The following DOK1 variants were observed in gnomAD, a reference collection of about 807,000 sequenced individuals.
The protein encoded by DOK1 is docking protein 1.
A neutral mutation model predicts 24.0 loss-of-function variants in DOK1; 12 were observed. That is an observed-to-expected ratio of 0.50 (90% CI 0.32 to 0.81). The LOEUF (loss-of-function observed/expected upper bound fraction) is 0.81. Among genes scored for constraint, DOK1 ranks in the 30% least tolerant of loss-of-function variants. The pLI is 0.03. For synonymous variants in DOK1, 250 were observed against 260.9 expected (o/e 0.96, Z 0.40); for missense variants, 591 against 620.7 (o/e 0.95, Z 0.51).
chr2:74,555,528 G>C lies in DOK1; in HGVS notation c.361-47G>C, dbSNP rs1483543112. ...ATGGGGCTGCCTCAGACCGACCCCCGCTCCCCGCTGAGGAAATTACGGGTT... is the reference window on the plus strand; with the variant it reads ...ATGGGGCTGCCTCAGACCGACCCCCCCTCCCCGCTGAGGAAATTACGGGTT... On this transcript the variant is annotated intron_variant, in intron 2 of 4. Coordinates refer to ENST00000233668, the MANE Select transcript of DOK1 (RefSeq NM_001381.5). The surrounding 1 kb of genome is among the most constrained non-coding windows in gnomAD (Gnocchi z 6.1). 1 of 1,613,118 alleles carries C rather than the reference G, an allele frequency of 6.2e-7. No individual in the cohort carries two copies. Among genetic ancestry groups the C allele is most frequent in the African/African-American group, 1.3e-5 (1 of 74,874 alleles).
At position 74,549,230 on chromosome 2, in the gene DOK1, C is replaced by T; in HGVS notation, c.-358+58C>T. The T allele has an allele frequency of 1.0e-6, 1 of 958,430 alleles. No homozygotes were observed. The highest frequency in any genetic ancestry group is 1.5e-6 in the Non-Finnish European group (1 of 675,526). The allele number at this position is 958,430 out of a possible 1,614,324, so 59.4% of individuals were successfully genotyped here. A position where few individuals can be genotyped will look rare whatever the true frequency, so the allele number is the denominator to read the frequency against. On this transcript the variant is annotated intron_variant, in intron 1 of 4. Coordinates refer to the DOK1 transcript ENST00000409429. The surrounding 1 kb of genome is among the most constrained non-coding windows in gnomAD (Gnocchi z 5.3). ...AAGATTTCCCAACTCTCCAGCTTTG[C>T]AACGGCCTCCATATTTTCCCGCGCG... is the stretch of plus-strand genomic sequence containing the variant.
rs1396622012 is a variant in DOK1 at position 74,555,523 on chromosome 2, C to T, written c.361-52C>T. On this transcript the variant is annotated intron_variant, in intron 2 of 4. Transcript: ENST00000233668. This position sits in a 1 kb window ranked among gnomAD's most constrained non-coding sequence, Gnocchi z 6.1. Reference sequence around the variant, plus strand: ...GAGAAATGGGGCTGCCTCAGACCGACCCCCGCTCCCCGCTGAGGAAATTAC... The same window carrying T: ...GAGAAATGGGGCTGCCTCAGACCGATCCCCGCTCCCCGCTGAGGAAATTAC... 1 of 1,613,074 alleles carries T rather than the reference C, an allele frequency of 6.2e-7. No homozygotes were observed. The highest frequency in any genetic ancestry group is 8.5e-7 in the Non-Finnish European group (1 of 1,179,712).
Position 74,557,059 on chromosome 2 carries a change from G to A in DOK1, c.1391G>A (p.Gly464Glu), listed in dbSNP as rs748615354. The A allele has an allele frequency of 6.2e-7, 1 of 1,613,672 alleles. No individual in the cohort carries two copies. The highest frequency in any genetic ancestry group is 2.2e-5 in the East Asian group (1 of 44,818). The change falls in exon 5 of 5, where the codon GGG becomes GAG. Residue 464 changes from glycine to glutamate, a missense_variant. Transcript: ENST00000233668. ...GGGGCCTCAGGGAGCTGGGACTGTG[G>A]GCTCTCTAGAGTAGGGACTGACAAG... ...KSGASGSWDC[G>E]LSRVGTDKTG... is the part of the protein sequence containing the mutation.
upstream of DOK1, among the ~76,000 whole-genome samples, chr2:74,550,891 G>A (rs1307299043): frequency 1.3e-5 from 2 of 151,140 alleles, no homozygotes; most frequent in Non-Finnish European, 2.9e-5. Flanking sequence ...CGCCCTGTCT[G>A]TGCTGCCATA....
At position 74,556,259 on chromosome 2, in the gene DOK1, C is replaced by A; in HGVS notation, c.640-49C>A. Reference sequence around the variant, plus strand: ...CTAACTAGTGCAGGCGTGTGACTCACTTCCTCTGATGGCTCCTGGTAATGT... The same window carrying A: ...CTAACTAGTGCAGGCGTGTGACTCAATTCCTCTGATGGCTCCTGGTAATGT... On this transcript the variant is annotated intron_variant, in intron 4 of 4. Transcript: ENST00000233668. The surrounding 1 kb of genome is among the most constrained non-coding windows in gnomAD (Gnocchi z 4.1). The A allele has an allele frequency of 1.3e-6, 2 of 1,581,068 alleles. No homozygotes were observed. Among genetic ancestry groups the A allele is most frequent in the Non-Finnish European group, 1.7e-6 (2 of 1,160,974 alleles).
rs1267080322 is a variant in DOK1, at chr2:74,557,005, C to T, written c.1337C>T (p.Ser446Leu). 1 of 1,614,226 alleles carries T rather than the reference C, an allele frequency of 6.2e-7. No homozygotes were observed. Among genetic ancestry groups the T allele is most frequent in the African/African-American group, 1.3e-5 (1 of 75,050 alleles). Residue 446 changes from serine to leucine, a missense_variant, in exon 5 of 5, where the codon TCA becomes TTA. Transcript: ENST00000233668. The part of the protein sequence containing the change: ...ATGSGIKSHN[S>L]ALYSQVQKSG... ...GGCAGTGGCATCAAAAGCCACAACT[C>T]AGCCCTGTACAGCCAGGTCCAGAAG... is the stretch of plus-strand genomic sequence containing the variant.
chr2:74,549,819 C>A (rs7562200), upstream of DOK1: 41,133 of 985,300 alleles, frequency 0.042, 2,129 homozygotes, highest in African/African-American at 0.24. This position sits in a 1 kb window ranked among gnomAD's most constrained non-coding sequence, Gnocchi z 5.3. Flanking sequence ...AGGAAGGAGG[C>A]CCTCCCTGTG....
At position 74,555,974 on chromosome 2, in the gene DOK1, G is replaced by A; in HGVS notation, c.535G>A (p.Glu179Lys). Residue 179 changes from glutamate (E) to lysine (K), a missense_variant, in exon 4 of 5, where the codon GAG (glutamate) becomes AAG (lysine). Transcript: ENST00000233668. The surrounding 1 kb of genome is among the most constrained non-coding windows in gnomAD (Gnocchi z 6.1). ...GLHGSYVLRV[E>K]AERLTLLTVG... The stretch of plus-strand genomic sequence containing the variant: ...GCATGGCTCCTACGTGCTGAGGGTG[G>A]AGGCTGAAAGGCTGACTCTCCTGAC... 2 of 1,613,954 alleles carry A rather than the reference G, an allele frequency of 1.2e-6. No individual in the cohort carries two copies. Among genetic ancestry groups the A allele is most frequent in the East Asian group, 2.2e-5 (1 of 44,878 alleles).
rs1483543112 is a variant in DOK1, at chr2:74,555,528, G to A, written c.361-47G>A. The A allele has an allele frequency of 1.2e-6, 2 of 1,613,236 alleles. No homozygotes were observed. Among genetic ancestry groups the A allele is most frequent in the South Asian group, 1.1e-5 (1 of 90,958 alleles). ...ATGGGGCTGCCTCAGACCGACCCCCGCTCCCCGCTGAGGAAATTACGGGTT... is the reference window on the plus strand; with the variant it reads ...ATGGGGCTGCCTCAGACCGACCCCCACTCCCCGCTGAGGAAATTACGGGTT... On this transcript the variant is annotated intron_variant, in intron 2 of 4. Transcript: ENST00000233668. The surrounding 1 kb of genome is among the most constrained non-coding windows in gnomAD (Gnocchi z 6.1).
chr2:74,554,471 C>T (rs578125385), upstream of DOK1: 5 of 515,750 alleles, frequency 9.7e-6, no homozygotes, highest in East Asian at 1.7e-4. This position sits in a 1 kb window ranked among gnomAD's most constrained non-coding sequence, Gnocchi z 4.9. Flanking sequence ...GCGCAGCCAC[C>T]ACGCCCAGAG....
Position 74,556,185 on chromosome 2 carries a change from C to A in DOK1, c.639+107C>A. 3 of 1,530,394 alleles carry A rather than the reference C, an allele frequency of 2.0e-6. No individual in the cohort carries two copies. Among genetic ancestry groups the A allele is most frequent in the Non-Finnish European group, 2.6e-6 (3 of 1,138,148 alleles). 94.8% of individuals were successfully genotyped at this position (1,530,394 alleles called of 1,614,324 possible). On this transcript the variant is annotated intron_variant, in intron 4 of 4. Coordinates refer to ENST00000233668, the MANE Select transcript of DOK1 (RefSeq NM_001381.5). The surrounding 1 kb of genome is among the most constrained non-coding windows in gnomAD (Gnocchi z 4.1). ...CCTTTGGATCCCCCTTTCTTGCCTA[C>A]CCGGTGACCCCGCGTCTGTTCGCAG...
At position 74,556,969 on chromosome 2, in the gene DOK1, G is replaced by A; in HGVS notation, c.1301G>A (p.Gly434Asp). ...KPQGPAFPEP[G>D]TATGSGIKSH... ...CAGGGCCCAGCCTTCCCTGAACCTGGTACTGCAACTGGCAGTGGCATCAAA... is the reference window on the plus strand; with the variant it reads ...CAGGGCCCAGCCTTCCCTGAACCTGATACTGCAACTGGCAGTGGCATCAAA... Residue 434 changes from glycine to aspartate, a missense_variant, in exon 5 of 5, where the codon GGT becomes GAT. Gly to Asp is a moderately conservative substitution (Grantham distance 94). Transcript: ENST00000233668. The surrounding 1 kb of genome is among the most constrained non-coding windows in gnomAD (Gnocchi z 4.1). 6.2e-7 allele frequency: 1 copy of A among 1,614,152 alleles called. No homozygotes were observed.
At chr2:74,550,256 G>A, upstream of DOK1, 1 of 1,614,174 alleles carries the variant, frequency 6.2e-7, no homozygotes, top group African/African-American at 1.3e-5. Flanking sequence ...TCCTCATCGT[G>A]CGTACAGTCA....
chr2:74,555,647 T>C lies in DOK1; in HGVS notation c.433T>C (p.Leu145=). 1 of 1,614,032 alleles carries C rather than the reference T, an allele frequency of 6.2e-7. No individual in the cohort carries two copies. The highest frequency in any genetic ancestry group is 8.5e-7 in the Non-Finnish European group (1 of 1,179,970). ...TGCCCTGGAGATGCTGGAGAACTCCTTGTACAGCCCTACCTGGGAAGGTAG... is the reference window on the plus strand; with the variant it reads ...TGCCCTGGAGATGCTGGAGAACTCCCTGTACAGCCCTACCTGGGAAGGTAG... ...LSALEMLENS[L]YSPTWEGSQF... The change falls in exon 3 of 5, where the codon TTG becomes CTG. Residue 145 remains leucine (L), a synonymous_variant. Transcript: ENST00000233668. The surrounding 1 kb of genome is among the most constrained non-coding windows in gnomAD (Gnocchi z 6.1).
upstream of DOK1, chr2:74,552,929 G>C (rs1573032752): frequency 2.6e-6 from 1 of 383,754 alleles, no homozygotes; most frequent in East Asian, 4.1e-5. Flanking sequence ...AAGAGATAGA[G>C]ACTGAGCAAG....
upstream of DOK1, chr2:74,553,784 G>C (rs1212003884): frequency 2.0e-5 from 3 of 152,442 alleles, no homozygotes; most frequent in Admixed American, 6.5e-5. Flanking sequence ...GCTTCCCCTC[G>C]ACTCCATCCC....
At chr2:74,552,771 A>G (rs1032573883), upstream of DOK1, 1 of 843,194 alleles carries the variant, frequency 1.2e-6, no homozygotes, top group Admixed American at 3.0e-5. Flanking sequence ...GCGAGAGACA[A>G]CAGGAGAGAA....
At position 74,557,143 on chromosome 2, in the gene DOK1, G is replaced by A; in HGVS notation, c.*29G>A. On this transcript the variant is annotated 3_prime_UTR_variant, in exon 5 of 5. Transcript: ENST00000233668. ...GGACGGCAAGGCTGAGGTGGCTAAG[G>A]GGGACCATGGGGAGGTGGCACTAGG... 1.9e-6 allele frequency: 3 copies of A among 1,574,386 alleles called. No individual in the cohort carries two copies. Among genetic ancestry groups the A allele is most frequent in the Non-Finnish European group, 2.6e-6 (3 of 1,157,612 alleles).
chr2:74,552,231 G>T, upstream of DOK1: 17 of 1,191,150 alleles, frequency 1.4e-5, no homozygotes, highest in Non-Finnish European at 2.0e-5. Context: ...GGTGTCGTGT[G>T]TCCCTATGGC....
Sources: allele counts gnomAD v4.1 joint callset (sites outside exome capture counted in the v4.1 genomes callset), GRCh38; gene constraint gnomAD v4.1.1; non-coding constraint Gnocchi (gnomAD v3.1); transcripts MANE v1.5; gene names NCBI Gene and HGNC (gene_info 2026-07-23, HGNC 2026-07-21).